DST: variants seen among roughly 807,000 people sequenced by gnomAD.
DST encodes dystonin, also known as bullous pemphigoid antigen.
DST carries 253 observed loss-of-function variants against 875.2 expected under a neutral mutation model. That is an observed-to-expected ratio of 0.29 (90% CI 0.26 to 0.32). The LOEUF (loss-of-function observed/expected upper bound fraction) is 0.32. Ranked by LOEUF, DST falls within the 10% of genes least tolerant of loss-of-function variation. DST has a pLI of 1.00. For missense variants in DST, 8,287 were observed against 9,111.6 expected, an observed-to-expected ratio of 0.91 and a Z score of 3.68; for synonymous variants, 3,124 against 3,197.1, an observed-to-expected ratio of 0.98 and a Z score of 0.77.
intron 9 of DST, among the ~76,000 whole-genome samples, chr6:56,671,132 C>G (rs2099099192): frequency 6.6e-6 from 1 of 152,136 alleles, no homozygotes; most frequent in African/African-American, 2.4e-5. Context: ...ATCTGAGTTT[C>G]AAAGAGGTTA....
At chr6:56,710,898 G>C (rs761948940) in intron 5 of DST, among the ~76,000 whole-genome samples, 1 of 152,046 alleles carries the variant, frequency 6.6e-6, no homozygotes, top group Non-Finnish European at 1.5e-5. Context: ...AAGGTACTAC[G>C]TTAAGTCAAC....
chr6:56,924,508 G>A (rs1328009069), intron 2 of DST, among the ~76,000 whole-genome samples: 4 of 152,074 alleles, frequency 2.6e-5, no homozygotes, highest in Non-Finnish European at 5.9e-5. Context: ...ATAGCCTGAG[G>A]ACAGGTTTAA....
intron 49 of DST, among the ~76,000 whole-genome samples, chr6:56,581,677 T>C (rs1043918207): frequency 1.3e-5 from 2 of 152,366 alleles, no homozygotes; most frequent in Non-Finnish European, 2.9e-5. Context: ...CTTTAATTTA[T>C]CTTAAGCAAC....
At chr6:56,718,844 A>G (rs2099404220) in intron 5 of DST, among the ~76,000 whole-genome samples, 1 of 152,242 alleles carries the variant, frequency 6.6e-6, no homozygotes, top group Admixed American at 6.5e-5. Flanking sequence ...TGAAATATCC[A>G]GAAAAGACAA....
At chr6:56,470,082 CA>C in intron 96 of DST, 45 bp downstream of exon 96, 2 of 1,607,532 alleles carry the variant, frequency 1.2e-6, no homozygotes, top group Non-Finnish European at 8.5e-7. Context: ...GATATCGTGG[CA>C]GAACATACTA....
chr6:56,949,236 G>T (rs938955117), intron 2 of DST, among the ~76,000 whole-genome samples: 6 of 152,142 alleles, frequency 3.9e-5, no homozygotes, highest in Admixed American at 2.0e-4. Flanking sequence ...GAAAAAAAGT[G>T]AGAGTTTTTG....
chr6:56,606,877 G>C lies in DST; in HGVS notation c.7751C>G (p.Thr2584Ser). Reference protein sequence around the residue: ...LTCATPLLDETISASDYETSL... With the variant: ...LTCATPLLDESISASDYETSL... ...CGTTTCATAGTCACTAGCACTGATG[G>C]TTTCATCAAGCAATGGTGTAGCACA... Residue 2584 changes from threonine (T) to serine (S), a missense_variant, in exon 40 of 104, where the codon ACC becomes AGC. Thr to Ser is a moderately conservative substitution (Grantham distance 58). Coordinates refer to ENST00000680361, the MANE Select transcript of DST (RefSeq NM_001374736.1). 6.2e-7 allele frequency: 1 copy of C among 1,613,286 alleles called. No homozygotes were observed. The highest frequency in any genetic ancestry group is 1.1e-5 in the South Asian group (1 of 91,066).
At chr6:56,725,933 T>TA (rs1234827352) in intron 5 of DST, among the ~76,000 whole-genome samples, 1 of 152,128 alleles carries the variant, frequency 6.6e-6, no homozygotes, top group African/African-American at 2.4e-5. Context: ...GTTTTTTTTT[T>TA]AATCACAAAC....
At chr6:56,658,661 T>C (rs575576373) in intron 10 of DST, among the ~76,000 whole-genome samples, 27 of 148,910 alleles carry the variant, frequency 1.8e-4, no homozygotes, top group African/African-American at 6.0e-4. Flanking sequence ...GTATGCTACA[T>C]AGAAATAATT....
intron 5 of DST, among the ~76,000 whole-genome samples, chr6:56,722,872 G>T (rs2099428145): frequency 6.6e-6 from 1 of 152,184 alleles, no homozygotes; most frequent in South Asian, 2.1e-4. Flanking sequence ...TTCTGTGCAT[G>T]CTCTGGCATT....
Position 56,646,106 on chromosome 6 carries a change from C to T in DST, c.1631G>A (p.Arg544His), listed in dbSNP as rs367935719. 1.1e-4 allele frequency: 165 copies of T among 1,546,934 alleles called. No individual in the cohort carries two copies. Among genetic ancestry groups the T allele is most frequent in the Non-Finnish European group, 1.3e-4 (152 of 1,138,692 alleles). The change falls in exon 14 of 104, where the codon CGT (arginine) becomes CAT (histidine). Residue 544 changes from arginine to histidine, a missense_variant. This residue lies in a region of DST where 1,160 missense variants were observed against 1,424.3 expected (regional missense o/e 0.81). Coordinates refer to ENST00000680361, the MANE Select transcript of DST (RefSeq NM_001374736.1). ...PKETEKSKIK[R>H]LYKLLEIWIE... ...GCTTACCTCTAATAATTTATATAGA[C>T]GTTTAATTTTTGATTTTTCTGTCTC...
intron 4 of DST, among the ~76,000 whole-genome samples, chr6:56,784,497 T>C (rs887706261): frequency 6.6e-6 from 1 of 152,246 alleles, no homozygotes; most frequent in Non-Finnish European, 1.5e-5. Flanking sequence ...GCTGATACCC[T>C]TTCTTCCAGT....
At chr6:56,582,517 G>A (rs2098026990) in intron 49 of DST, among the ~76,000 whole-genome samples, 1 of 152,020 alleles carries the variant, frequency 6.6e-6, no homozygotes, top group Non-Finnish European at 1.5e-5. Context: ...AGTGATGTCA[G>A]TGCCATGCTT....
intron 38 of DST, among the ~76,000 whole-genome samples, chr6:56,611,227 A>C (rs1041621546): frequency 1.3e-5 from 2 of 152,156 alleles, no homozygotes; most frequent in African/African-American, 2.4e-5. Context: ...CTTGACTCGG[A>C]GTCTGCACTC....
intron 10 of DST, among the ~76,000 whole-genome samples, chr6:56,652,147 T>C (rs1480538850): frequency 1.3e-5 from 2 of 152,254 alleles, no homozygotes; most frequent in East Asian, 3.9e-4. Flanking sequence ...CTTCATATCT[T>C]TATAATTTGT....
At chr6:56,808,050 C>T (rs745678317) in intron 4 of DST, among the ~76,000 whole-genome samples, 14 of 152,110 alleles carry the variant, frequency 9.2e-5, no homozygotes, top group Non-Finnish European at 1.9e-4. Context: ...TTTCACTATA[C>T]GTTAATAAAC....
chr6:56,528,763 T>A, intron 67 of DST, 78 bp downstream of exon 67: 1 of 1,094,304 alleles, frequency 9.1e-7, no homozygotes, highest in South Asian at 1.5e-5. Flanking sequence ...GTGTTTTGGT[T>A]TTTTCCCATC....
At chr6:56,922,701 G>A (rs1274159787) in intron 2 of DST, among the ~76,000 whole-genome samples, 1 of 151,928 alleles carries the variant, frequency 6.6e-6, no homozygotes, top group Non-Finnish European at 1.5e-5. Context: ...TGCATGAATG[G>A]TTCTAAGACT....
intron 36 of DST, among the ~76,000 whole-genome samples, chr6:56,623,215 C>T (rs998778144): frequency 1.3e-5 from 2 of 152,146 alleles, no homozygotes. Flanking sequence ...TGTTAGCATT[C>T]TGCCTCATCA....
Sources: allele counts gnomAD v4.1 joint callset (sites outside exome capture counted in the v4.1 genomes callset), GRCh38; gene constraint gnomAD v4.1.1; regional missense constraint gnomAD v4.1.1; transcripts MANE v1.5; gene names NCBI Gene and HGNC (gene_info 2026-07-23, HGNC 2026-07-21).